The following TMIGD1 variants were observed in gnomAD, a reference collection of about 807,000 sequenced individuals.
TMIGD1 encodes the protein transmembrane and immunoglobulin domain-containing protein 1.
A neutral mutation model predicts 27.5 loss-of-function variants in TMIGD1; 29 were observed. The observed-to-expected ratio is 1.05, with a 90% confidence interval of 0.78 to 1.44. TMIGD1 has a LOEUF of 1.44. Among genes scored for constraint, TMIGD1 ranks in the 40% most tolerant of loss-of-function variants. The pLI is 0.00. For missense variants in TMIGD1, 334 were observed against 310.6 expected, an observed-to-expected ratio of 1.08 and a Z score of -0.57; for synonymous variants, 109 against 110.3, an observed-to-expected ratio of 0.99 and a Z score of 0.07.
chr17:30,317,127 G>C (rs1307124928), intron 6 of TMIGD1, 66 bp downstream of exon 6: 1 of 1,529,692 alleles, frequency 6.5e-7, no homozygotes, highest in African/African-American at 1.4e-5. Flanking sequence ...TTTGTCTAGA[G>C]TGATGCATAT....
At chr17:30,316,811 T>C in intron 6 of TMIGD1, 121 bp from the exon 7 acceptor site, 1 of 898,670 alleles carries the variant, frequency 1.1e-6, no homozygotes, top group Non-Finnish European at 1.7e-6. Flanking sequence ...CCACTTCACA[T>C]ATGCTAGAAG....
chr17:30,322,322 C>T lies in TMIGD1; in HGVS notation c.640+2494G>A, dbSNP rs1414492712. ...CTGTACTAGCCAGCTCTGGGACACA[C>T]CAAAGGCCCGTCAACCTTACTGGGG... is the stretch of plus-strand genomic sequence containing the variant. On this transcript the variant is annotated intron_variant, in intron 4 of 6. Coordinates refer to ENST00000328886, the MANE Select transcript of TMIGD1 (RefSeq NM_206832.3). Among the ~76,000 whole-genome samples, 3 of 152,184 alleles carry T rather than the reference C, an allele frequency of 2.0e-5. No individual in the cohort carries two copies. The East Asian group carries it at 5.8e-4, about 29-fold the overall frequency.
chr17:30,330,932 G>T (rs1909955510), intron 2 of TMIGD1, among the ~76,000 whole-genome samples: 1 of 152,168 alleles, frequency 6.6e-6, no homozygotes, highest in South Asian at 2.1e-4. Flanking sequence ...GGTGGCTCAT[G>T]CCTGTAATCC....
chr17:30,320,109 C>T (rs1909569688), intron 4 of TMIGD1, among the ~76,000 whole-genome samples: 1 of 151,664 alleles, frequency 6.6e-6, no homozygotes, highest in South Asian at 2.1e-4. Context: ...GCAATCTCGG[C>T]TCACTGCAAT....
At chr17:30,330,607 T>C (rs889401627) in intron 2 of TMIGD1, among the ~76,000 whole-genome samples, 2 of 152,230 alleles carry the variant, frequency 1.3e-5, no homozygotes. Context: ...AATATTGTTT[T>C]GGCAGTGAAG....
At chr17:30,319,261 A>AAAAAAAATATATATATAT in intron 4 of TMIGD1, among the ~76,000 whole-genome samples, 23 of 69,044 alleles carry the variant, frequency 3.3e-4, no homozygotes, top group East Asian at 5.2e-4. Flanking sequence ...AAAAAAAAAA[A>AAAAAAAATATATATATAT]ATATATATAT....
intron 4 of TMIGD1, among the ~76,000 whole-genome samples, chr17:30,323,552 G>T (rs564367917): frequency 6.6e-4 from 100 of 152,296 alleles, no homozygotes; most frequent in African/African-American, 2.3e-3. Context: ...CCCAAAACAA[G>T]TTTCTGCCCA....
chr17:30,329,639 T>C (rs112465753), intron 2 of TMIGD1, 110 bp from the exon 3 acceptor site: 5 of 782,782 alleles, frequency 6.4e-6, no homozygotes, highest in South Asian at 4.3e-5. Flanking sequence ...CAAAATAAAC[T>C]CTCAACGATT....
chr17:30,326,902 C>T (rs1909799874), intron 3 of TMIGD1, among the ~76,000 whole-genome samples: 2 of 152,170 alleles, frequency 1.3e-5, no homozygotes, highest in Admixed American at 1.3e-4. Flanking sequence ...CCATTTAGTT[C>T]TTGATTCTGC....
At chr17:30,319,789 T>TA (rs1002610638) in intron 4 of TMIGD1, among the ~76,000 whole-genome samples, 1 of 151,936 alleles carries the variant, frequency 6.6e-6, no homozygotes, top group Non-Finnish European at 1.5e-5. Context: ...CTTGTACCTG[T>TA]ACTGCAATGG....
At chr17:30,322,332 G>A (rs1175890696) in intron 4 of TMIGD1, among the ~76,000 whole-genome samples, 3 of 152,100 alleles carry the variant, frequency 2.0e-5, no homozygotes, top group Admixed American at 1.3e-4. Context: ...CCAAAGGCCC[G>A]TCAACCTTAC....
At chr17:30,319,325 T>G (rs1374566940) in intron 4 of TMIGD1, among the ~76,000 whole-genome samples, 1 of 135,484 alleles carries the variant, frequency 7.4e-6, no homozygotes, top group East Asian at 2.0e-4. Context: ...CTTGGGAGAC[T>G]GAGGCAGGAG....
chr17:30,326,355 C>T (rs1909773840), intron 3 of TMIGD1, among the ~76,000 whole-genome samples: 1 of 152,178 alleles, frequency 6.6e-6, no homozygotes. Flanking sequence ...AAGATCCAAG[C>T]TGGTCACTTC....
At chr17:30,317,064 C>G (rs574743125) in intron 6 of TMIGD1, 129 bp downstream of exon 6, 49 of 1,123,110 alleles carry the variant, frequency 4.4e-5, no homozygotes, top group Non-Finnish European at 6.3e-5. Context: ...TTTTCCTCCA[C>G]CTTCTATTCT....
At chr17:30,321,287 C>T (rs751737058) in intron 4 of TMIGD1, among the ~76,000 whole-genome samples, 6 of 152,096 alleles carry the variant, frequency 3.9e-5, no homozygotes, top group Non-Finnish European at 8.8e-5. Flanking sequence ...TCAGCCACTG[C>T]ACCTGGCAGG....
chr17:30,320,400 C>A (rs1909580104), intron 4 of TMIGD1, among the ~76,000 whole-genome samples: 1 of 151,944 alleles, frequency 6.6e-6, no homozygotes, highest in African/African-American at 2.4e-5. Flanking sequence ...TTCTAAGAGC[C>A]TTTGAAAATA....
chr17:30,328,529 A>G (rs1004593925), intron 3 of TMIGD1, among the ~76,000 whole-genome samples: 2 of 152,230 alleles, frequency 1.3e-5, no homozygotes, highest in Non-Finnish European at 2.9e-5. Flanking sequence ...GCCCTTGTAC[A>G]GATTAATGAG....
intron 5 of TMIGD1, among the ~76,000 whole-genome samples, chr17:30,317,725 A>G (rs140849286): frequency 0.012 from 1,754 of 151,322 alleles, 27 homozygotes; most frequent in South Asian, 0.05. Context: ...ACGCCACTGC[A>G]CTCCAGCCAG....
intron 2 of TMIGD1, among the ~76,000 whole-genome samples, chr17:30,330,683 T>C (rs775671001): frequency 2.0e-4 from 31 of 152,240 alleles, no homozygotes; most frequent in Non-Finnish European, 4.4e-4. Context: ...GGTTGGGTGA[T>C]CAGGATACAT....
Sources: allele counts gnomAD v4.1 joint callset (sites outside exome capture counted in the v4.1 genomes callset), GRCh38; gene constraint gnomAD v4.1.1; transcripts MANE v1.5; gene names NCBI Gene and HGNC (gene_info 2026-07-23, HGNC 2026-07-21).